Variants in ACLY observed in about 807,000 individuals in gnomAD.
ACLY encodes the protein ATP citrate lyase, also known as ATP-citrate synthase.
A neutral mutation model predicts 133.0 loss-of-function variants in ACLY; 41 were observed. The ratio of observed to expected loss-of-function variants is 0.31; its 90% CI spans 0.24 to 0.40. ACLY has a LOEUF of 0.40. Among genes scored for constraint, ACLY ranks in the 10% least tolerant of loss-of-function variants. The pLI is 1.00. For missense variants in ACLY, 1,046 were observed against 1,453.8 expected, an observed-to-expected ratio of 0.72 and a Z score of 4.56; for synonymous variants, 495 against 549.3, an observed-to-expected ratio of 0.90 and a Z score of 1.38.
chr17:41,890,413 G>A (rs755745151), intron 16 of ACLY, among the ~76,000 whole-genome samples: 11 of 151,870 alleles, frequency 7.2e-5, no homozygotes, highest in East Asian at 1.9e-4. Flanking sequence ...TGCCGGGCGC[G>A]GTGGCTCACG....
At chr17:41,888,050 C>A (rs2049101675) in intron 16 of ACLY, among the ~76,000 whole-genome samples, 1 of 152,090 alleles carries the variant, frequency 6.6e-6, no homozygotes, top group Admixed American at 6.6e-5. Context: ...ACTGCTTGAG[C>A]CCGGGAGGTG....
At chr17:41,904,571 C>A in intron 10 of ACLY, 158 bp downstream of exon 10, 1 of 655,518 alleles carries the variant, frequency 1.5e-6, no homozygotes, top group South Asian at 1.8e-5. Context: ...GTCCCAGTGT[C>A]TTCTCCACCC....
At chr17:41,906,140 A>G (rs550584007) in intron 8 of ACLY, among the ~76,000 whole-genome samples, 1 of 152,338 alleles carries the variant, frequency 6.6e-6, no homozygotes, top group East Asian at 1.9e-4. Context: ...CTAATATTCT[A>G]TAAAGCAAAG....
chr17:41,915,599 G>A (rs1001229984), intron 1 of ACLY, among the ~76,000 whole-genome samples: 2 of 152,122 alleles, frequency 1.3e-5, no homozygotes, highest in Non-Finnish European at 2.9e-5. Flanking sequence ...CCTAAAGTGG[G>A]GTAGCTGGGA....
intron 22 of ACLY, among the ~76,000 whole-genome samples, chr17:41,875,067 G>A (rs2048698621): frequency 6.6e-6 from 1 of 152,064 alleles, no homozygotes; most frequent in African/African-American, 2.4e-5. Context: ...AACGTAATGG[G>A]GCAGGGCACA....
rs372439930 is a variant in ACLY, at chr17:41,898,105, TTTTTC to T, written c.1339-271_1339-267del. On this transcript the variant is annotated intron_variant, in intron 12 of 28. Transcript: ENST00000352035. Reference sequence around the variant, plus strand: ...AAAAGTAAGAGTAACGATTTTTAAGTTTTTCTTTTCTTTTCTTTTCTTTTGAGACG... The same window carrying T: ...AAAAGTAAGAGTAACGATTTTTAAGTTTTTCTTTTCTTTTCTTTTGAGACG... Among the ~76,000 whole-genome samples, 557 of 152,110 alleles carry T rather than the reference TTTTTC, an allele frequency of 3.7e-3. 3 individuals are homozygous for T. Among genetic ancestry groups the T allele is most frequent in the African/African-American group, 0.011 (455 of 41,474 alleles).
Position 41,908,981 on chromosome 17 carries a change from CCA to C in ACLY, c.616+6_616+7del, listed in dbSNP as rs2049809962. On this transcript the variant is annotated splice_donor_region_variant and intron_variant, in intron 6 of 28. Coordinates refer to ENST00000352035, the MANE Select transcript of ACLY (RefSeq NM_001096.3). ...CTTGCCCCCTCCCAGCCAAGCACAC[CCA>C]GTTACCAAGGGGATTGATCTCGAGG... is the stretch of plus-strand genomic sequence containing the variant. 2 of 1,610,980 alleles carry C rather than the reference CCA, an allele frequency of 1.2e-6. No individual in the cohort carries two copies. Among genetic ancestry groups the C allele is most frequent in the Non-Finnish European group, 8.5e-7 (1 of 1,177,976 alleles).
At chr17:41,874,002 G>A in intron 22 of ACLY, 37 bp from the exon 23 acceptor site, 2 of 1,553,448 alleles carry the variant, frequency 1.3e-6, no homozygotes, top group Non-Finnish European at 1.8e-6. Context: ...CAGGGCCCTG[G>A]TGACCACCAC....
At chr17:41,876,981 G>C (rs1334560096) in intron 22 of ACLY, among the ~76,000 whole-genome samples, 2 of 151,968 alleles carry the variant, frequency 1.3e-5, no homozygotes, top group African/African-American at 4.8e-5. Context: ...TTACCCAGGG[G>C]ACGGGGACTG....
In ACLY at chr17:41,867,174, C is replaced by G. The variant is rs781984028; in HGVS notation, c.*636G>C. The G allele has an allele frequency of 6.6e-6, 1 of 152,642 alleles. No homozygotes were observed. The highest frequency in any genetic ancestry group is 6.5e-5 in the Admixed American group (1 of 15,280). The allele number at this position is 152,642 out of a possible 1,614,324, so 9.5% of individuals were successfully genotyped here. On this transcript the variant is annotated 3_prime_UTR_variant, in exon 29 of 29. Transcript: ENST00000352035. The stretch of plus-strand genomic sequence containing the variant: ...CAACTTTACATATTAAGTTACTACT[C>G]CACATATTTTGTGACAATGGCTAAG...
upstream of ACLY, among the ~76,000 whole-genome samples, chr17:41,919,682 C>A (rs782428990): frequency 6.6e-6 from 1 of 152,210 alleles, no homozygotes; most frequent in East Asian, 1.9e-4. Context: ...GAATTCAATG[C>A]GAGATTCCAG....
intron 19 of ACLY, 81 bp from the exon 20 acceptor site, chr17:41,883,313 C>A: frequency 1.6e-6 from 2 of 1,222,790 alleles, no homozygotes; most frequent in Admixed American, 3.6e-5. Flanking sequence ...AATGGAGTGA[C>A]ACGGGCTTTG....
Position 41,890,911 on chromosome 17 carries a change from C to T in ACLY, c.1770+1368G>A, listed in dbSNP as rs1203284324. On this transcript the variant is annotated intron_variant, in intron 16 of 28. Transcript: ENST00000352035. ...ATCCCAGCTACTCAGAAGGCTGAGGCACGAGAATCACTTGAGCCTGGGAAG... is the reference window on the plus strand; with the variant it reads ...ATCCCAGCTACTCAGAAGGCTGAGGTACGAGAATCACTTGAGCCTGGGAAG... Among the ~76,000 whole-genome samples the T allele has an allele frequency of 3.4e-5, 5 of 147,906 alleles. No individual in the cohort carries two copies. The Admixed American group carries it at 3.4e-4, about 10-fold the overall frequency.
At chr17:41,893,380 G>A (rs551412866) in intron 14 of ACLY, among the ~76,000 whole-genome samples, 70 of 152,314 alleles carry the variant, frequency 4.6e-4, no homozygotes, top group African/African-American at 1.6e-3. Flanking sequence ...GGCAGAAAGA[G>A]CAAATCAAGC....
chr17:41,879,815 C>CT (rs2048868652), intron 20 of ACLY, among the ~76,000 whole-genome samples: 1 of 151,382 alleles, frequency 6.6e-6, no homozygotes, highest in African/African-American at 2.4e-5. Flanking sequence ...ACCTCCCAGG[C>CT]TCGGGTGATT....
Position 41,893,131 on chromosome 17 carries a change from C to A in ACLY, c.1503G>T (p.Val501=), listed in dbSNP as rs1555629686. 6.2e-7 allele frequency: 1 copy of A among 1,614,102 alleles called. No homozygotes were observed. The highest frequency in any genetic ancestry group is 8.5e-7 in the Non-Finnish European group (1 of 1,179,978). The part of the protein sequence containing the change: ...TLFSRHTKAI[V]WGMQTRAVQG... ...GCACGGCCCGGGTCTGCATGCCCCA[C>A]ACAATGGCCTTGGTGTGGCGGCTGA... The change falls in exon 15 of 29, where the codon GTG becomes GTT. Residue 501 remains valine (V), a synonymous_variant. Coordinates refer to ENST00000352035, the MANE Select transcript of ACLY (RefSeq NM_001096.3).
chr17:41,920,780 G>A (rs188235865), upstream of ACLY, among the ~76,000 whole-genome samples: 26 of 152,112 alleles, frequency 1.7e-4, no homozygotes, highest in African/African-American at 4.3e-4. Context: ...AAGACCGGGC[G>A]TGGTGATTCA....
rs532280980 is a variant in ACLY at position 41,895,115 on chromosome 17, C to T, written c.1459+1505G>A. Reference sequence around the variant, plus strand: ...ACTTCCCAGTCCTAGGAAACTGAAGCCCAGAGATGCCAAATGATTGAGGTC... The same window carrying T: ...ACTTCCCAGTCCTAGGAAACTGAAGTCCAGAGATGCCAAATGATTGAGGTC... On this transcript the variant is annotated intron_variant, in intron 14 of 28. Transcript: ENST00000352035. Among the ~76,000 whole-genome samples the T allele has an allele frequency of 3.3e-5, 5 of 152,268 alleles. No homozygotes were observed. In the South Asian group the frequency reaches 1.0e-3, roughly 32 times the overall value.
At chr17:41,904,845 C>T in intron 9 of ACLY, 55 bp from the exon 10 acceptor site, 1 of 1,534,354 alleles carries the variant, frequency 6.5e-7, no homozygotes, top group South Asian at 1.1e-5. Flanking sequence ...ACTTGAGCAT[C>T]TTCCCAGCAA....
Sources: gnomAD v4.1 joint callset for allele counts (sites outside exome capture counted in the v4.1 genomes callset) on GRCh38, gnomAD v4.1.1 for gene constraint, MANE v1.5 for transcripts, NCBI Gene and HGNC (gene_info 2026-07-23, HGNC 2026-07-21) for gene names.